Variants in AHDC1 observed in about 807,000 individuals in gnomAD.
AHDC1 encodes the protein AT-hook DNA binding motif containing 1.
In AHDC1, 7 loss-of-function variants were observed where a neutral mutation model predicts 87.9. The observed-to-expected ratio is 0.08, with a 90% CI of 0.05 to 0.15. The LOEUF (loss-of-function observed/expected upper bound fraction) is 0.15, where lower values mean the gene tolerates loss of function less well. AHDC1 is among the 10% of genes least tolerant of loss of function. The probability of loss-of-function intolerance (pLI) is 1.00; values close to 1 mark genes in which losing one functional copy is unlikely to be tolerated. For missense variants in AHDC1, 1,841 were observed against 2,253.2 expected, an observed-to-expected ratio of 0.82 and a Z score of 3.70; for synonymous variants, 1,051 against 1,006.8, an observed-to-expected ratio of 1.04 and a Z score of -0.83.
At chr1:27,586,005 G>C (rs1246321634) in intron 3 of AHDC1, among the ~76,000 whole-genome samples, 1 of 152,200 alleles carries the variant, frequency 6.6e-6, no homozygotes, top group African/African-American at 2.4e-5. Flanking sequence ...AGACATGCTG[G>C]TGTCCCACAG....
In AHDC1 at chr1:27,549,291, T is replaced by A. The variant is rs2019381447; in HGVS notation, c.2825A>T (p.Glu942Val). The change falls in exon 8 of 9, where the codon GAG (glutamate) becomes GTG (valine). Residue 942 changes from glutamate to valine, a missense_variant. Glu to Val is a moderately radical substitution (Grantham distance 121, BLOSUM62 -2). Coordinates refer to ENST00000673934, the MANE Select transcript of AHDC1 (RefSeq NM_001371928.1). ...CGGGGGCACCAGCTTGGGGAAGGTC[T>A]CGGCTGCCCGGCAGTCTGAAGCGGC... ...TPAASDCRAAETFPKLVPPPS... is the reference protein window; with the variant it reads ...TPAASDCRAAVTFPKLVPPPS... The A allele has an allele frequency of 6.2e-7, 1 of 1,604,098 alleles. No homozygotes were observed. The highest frequency in any genetic ancestry group is 1.7e-5 in the Admixed American group (1 of 59,626).
rs2089445112 is a variant in AHDC1, at chr1:27,598,747, C to T, written c.-629+4650G>A. Among the ~76,000 whole-genome samples, 1 of 152,174 alleles carries T rather than the reference C, an allele frequency of 6.6e-6. No individual in the cohort carries two copies. Among genetic ancestry groups the T allele is most frequent in the South Asian group, 2.1e-4 (1 of 4,838 alleles). On this transcript the variant is annotated intron_variant, in intron 3 of 8. Transcript: ENST00000673934. This position sits in a 1 kb window ranked among gnomAD's most constrained non-coding sequence, Gnocchi z 4.2. ...ACCCTGGCCCTGTCTAGGCACTGGCCATCCTGAATCTAGCACCTCACACAC... is the reference window on the plus strand; with the variant it reads ...ACCCTGGCCCTGTCTAGGCACTGGCTATCCTGAATCTAGCACCTCACACAC...
intron 5 of AHDC1, among the ~76,000 whole-genome samples, chr1:27,554,689 T>C (rs549711967): frequency 6.6e-6 from 1 of 152,268 alleles, no homozygotes; most frequent in African/African-American, 2.4e-5. Flanking sequence ...AATGTTTGGC[T>C]CTGACCTAGT....
Position 27,547,865 on chromosome 1 carries a change from T to A in AHDC1, c.4251A>T (p.Thr1417=), listed in dbSNP as rs1427943290. 1.3e-6 allele frequency: 2 copies of A among 1,549,206 alleles called. No homozygotes were observed. Among genetic ancestry groups the A allele is most frequent in the Admixed American group, 3.7e-5 (2 of 54,228 alleles). Residue 1417 remains threonine (T), a synonymous_variant, in exon 8 of 9, where the codon ACA becomes ACT. Transcript: ENST00000673934. This position sits in a 1 kb window ranked among gnomAD's most constrained non-coding sequence, Gnocchi z 4.9. Reference sequence around the variant, plus strand: ...TGAGGGGCTCGCAGGCAGCCAGCTTTGTGGGCGGTGGCCGCAGCTCTTCCT... The same window carrying A: ...TGAGGGGCTCGCAGGCAGCCAGCTTAGTGGGCGGTGGCCGCAGCTCTTCCT... The part of the protein sequence containing the change: ...GFKEELRPPP[T]KLAACEPLKH...
chr1:27,569,385 AGCCT>A (rs1434336833), intron 3 of AHDC1, among the ~76,000 whole-genome samples: 1 of 152,132 alleles, frequency 6.6e-6, no homozygotes, highest in Non-Finnish European at 1.5e-5. Flanking sequence ...TGGGTAAAAT[AGCCT>A]GCCTAAGACA....
At position 27,560,998 on chromosome 1, in the gene AHDC1, C is replaced by T. The variant is rs2020055475; in HGVS notation, c.-628-2115G>A. On this transcript the variant is annotated intron_variant, in intron 3 of 8. Coordinates refer to ENST00000673934, the MANE Select transcript of AHDC1 (RefSeq NM_001371928.1). This position sits in a 1 kb window ranked among gnomAD's most constrained non-coding sequence, Gnocchi z 4.1. ...TCTCTCTGTAGGAGCCAGACAACTC[C>T]CCAAGCCTGGATTAGGGACAATTTA... Among the ~76,000 whole-genome samples, 1 of 152,154 alleles carries T rather than the reference C, an allele frequency of 6.6e-6. No homozygotes were observed. Among genetic ancestry groups the T allele is most frequent in the South Asian group, 2.1e-4 (1 of 4,824 alleles).
At position 27,593,253 on chromosome 1, in the gene AHDC1, G is replaced by C. The variant is rs895857627; in HGVS notation, c.-629+10144C>G. ...CCCTCCACTCCTCCAGGCAGGCAGC[G>C]ATAGGATTACTTCTGCATGACTGCC... On this transcript the variant is annotated intron_variant, in intron 3 of 8. Transcript: ENST00000673934. This position sits in a 1 kb window ranked among gnomAD's most constrained non-coding sequence, Gnocchi z 4.9. Among the ~76,000 whole-genome samples, 1 of 152,032 alleles carries C rather than the reference G, an allele frequency of 6.6e-6. No homozygotes were observed. The highest frequency in any genetic ancestry group is 1.5e-5 in the Non-Finnish European group (1 of 67,958).
rs1438325101 is a variant in AHDC1 at position 27,598,212 on chromosome 1, C to T, written c.-629+5185G>A. 6.6e-6 allele frequency among the ~76,000 whole-genome samples: 1 copy of T among 152,238 alleles called. No homozygotes were observed. Among genetic ancestry groups the T allele is most frequent in the Non-Finnish European group, 1.5e-5 (1 of 68,040 alleles). On this transcript the variant is annotated intron_variant, in intron 3 of 8. Transcript: ENST00000673934. This position sits in a 1 kb window ranked among gnomAD's most constrained non-coding sequence, Gnocchi z 4.2. ...GTTCGGGGCCAGCCAGCTGCAGAAG[C>T]AGCCCCTCCCCTGGGCTCCCAGGCC...
rs202020604 is a variant in AHDC1 at position 27,548,775 on chromosome 1, T to A, written c.3341A>T (p.Tyr1114Phe). ...CTCTGAGGCCCAGTCCAGGCCTCCA[T>A]AGCCCTGCCGGAAAGGCCACTGAGA... ...GASQWPFRQG[Y>F]GGLDWASEAF... Residue 1114 changes from tyrosine (Y) to phenylalanine (F), a missense_variant, in exon 8 of 9, where the codon TAT (tyrosine) becomes TTT (phenylalanine). Tyr to Phe is a conservative substitution (Grantham distance 22, BLOSUM62 3). Transcript: ENST00000673934. The A allele has an allele frequency of 6.4e-5, 104 of 1,612,978 alleles. No individual in the cohort carries two copies. Among genetic ancestry groups the A allele is most frequent in the Non-Finnish European group, 8.5e-5 (100 of 1,179,988 alleles).
chr1:27,545,477 C>T (rs987797885), intron 8 of AHDC1, among the ~76,000 whole-genome samples: 1 of 152,114 alleles, frequency 6.6e-6, no homozygotes, highest in African/African-American at 2.4e-5. Flanking sequence ...TGAGCTGTGA[C>T]CTGCCCAAAC....
chr1:27,548,107 C>T lies in AHDC1; in HGVS notation c.4009G>A (p.Glu1337Lys). The change falls in exon 8 of 9, where the codon GAG becomes AAG. Residue 1337 changes from glutamate to lysine, a missense_variant. Glu to Lys is a moderately conservative substitution (Grantham distance 56). This residue lies in a region of AHDC1 where 505 missense variants were observed against 626.2 expected (regional missense o/e 0.81). Coordinates refer to ENST00000673934, the MANE Select transcript of AHDC1 (RefSeq NM_001371928.1). ...CCTATGAAGTCACAGGGGTCTCGCT[C>T]TCCCACGCCGAAGGCCCTCGACTGT... ...PSQSRAFGVG[E>K]RDPCDFIGPY... 1 of 1,613,962 alleles carries T rather than the reference C, an allele frequency of 6.2e-7. No homozygotes were observed. The highest frequency in any genetic ancestry group is 1.1e-5 in the South Asian group (1 of 91,090).
At chr1:27,568,955 C>T (rs770625915) in intron 3 of AHDC1, among the ~76,000 whole-genome samples, 3 of 152,098 alleles carry the variant, frequency 2.0e-5, no homozygotes, top group Non-Finnish European at 2.9e-5. Context: ...CCCACACACC[C>T]GCACAAAGCC....
At chr1:27,582,271 CT>C (rs1357055011) in intron 3 of AHDC1, among the ~76,000 whole-genome samples, 1 of 152,246 alleles carries the variant, frequency 6.6e-6, no homozygotes, top group Non-Finnish European at 1.5e-5. Context: ...TGACTCTTGA[CT>C]CAGTCAGATT....
chr1:27,574,216 C>A (rs1237790043), intron 3 of AHDC1, among the ~76,000 whole-genome samples: 1 of 152,210 alleles, frequency 6.6e-6, no homozygotes, highest in Non-Finnish European at 1.5e-5. Context: ...CCCGCCCCAC[C>A]CCCAGTGGAA....
At chr1:27,557,471 C>T (rs1031932411) in intron 5 of AHDC1, among the ~76,000 whole-genome samples, 3 of 151,958 alleles carry the variant, frequency 2.0e-5, no homozygotes, top group African/African-American at 4.8e-5. Flanking sequence ...AAAGTTGCTG[C>T]TGGAAAGGAA....
In AHDC1 at chr1:27,562,218, G is replaced by A. The variant is rs2020118424; in HGVS notation, c.-628-3335C>T. ...GTGGACGCGCCCAAGCTGGCTCGGC[G>A]GGGGCGGCCAGTGCGCCAAGCCTCC... On this transcript the variant is annotated intron_variant, in intron 3 of 8. Transcript: ENST00000673934. This position sits in a 1 kb window ranked among gnomAD's most constrained non-coding sequence, Gnocchi z 4.4. 6.6e-6 allele frequency among the ~76,000 whole-genome samples: 1 copy of A among 152,044 alleles called. No homozygotes were observed. Among genetic ancestry groups the A allele is most frequent in the Non-Finnish European group, 1.5e-5 (1 of 67,968 alleles).
chr1:27,583,503 T>A (rs763146821), intron 3 of AHDC1, among the ~76,000 whole-genome samples: 2 of 152,190 alleles, frequency 1.3e-5, no homozygotes, highest in African/African-American at 2.4e-5. Flanking sequence ...GTATGTTGAT[T>A]TGGTTCATTC....
chr1:27,572,970 C>T (rs2088587499), intron 3 of AHDC1, among the ~76,000 whole-genome samples: 1 of 152,234 alleles, frequency 6.6e-6, no homozygotes, highest in African/African-American at 2.4e-5. Flanking sequence ...CCCCGCCTGA[C>T]ACAAGCTCTT....
intron 3 of AHDC1, among the ~76,000 whole-genome samples, chr1:27,591,941 C>T (rs535176799): frequency 8.5e-5 from 13 of 152,132 alleles, no homozygotes; most frequent in Non-Finnish European, 1.9e-4. Context: ...AACATAAATC[C>T]AGTGGCCAGG....
Sources: allele counts gnomAD v4.1 joint callset (sites outside exome capture counted in the v4.1 genomes callset), GRCh38; gene constraint gnomAD v4.1.1; regional missense constraint gnomAD v4.1.1; non-coding constraint Gnocchi (gnomAD v3.1); transcripts MANE v1.5; gene names NCBI Gene and HGNC (gene_info 2026-07-23, HGNC 2026-07-21).